The following IFITM10 variants were observed in gnomAD, a reference collection of about 807,000 sequenced individuals.
IFITM10 encodes interferon induced transmembrane protein 10.
Under a neutral mutation model 19.0 loss-of-function variants are expected in IFITM10, and 17 were observed. The observed-to-expected ratio is 0.90, with a 90% CI of 0.61 to 1.34. The LOEUF is 1.34. IFITM10 is among the 40% of genes most tolerant of loss of function. The probability of loss-of-function intolerance (pLI) is 0.00; values close to 1 mark genes in which losing one functional copy is unlikely to be tolerated. For missense variants in IFITM10, 306 were observed against 319.8 expected (o/e 0.96, Z 0.33); for synonymous variants, 148 against 147.2 (o/e 1.01, Z -0.04).
intron 2 of IFITM10, among the ~76,000 whole-genome samples, chr11:1,747,242 TA>T (rs1845661464): frequency 6.6e-6 from 1 of 152,188 alleles, no homozygotes; most frequent in East Asian, 1.9e-4. Context: ...TTCCTTTCCA[TA>T]GGGGTAGGAT....
Position 1,748,102 on chromosome 11 carries a change from C to G in IFITM10, c.102G>C (p.Gln34His). The stretch of plus-strand genomic sequence containing the variant: ...CCGGGTCTCCCAGCGGGGCTGGGCA[C>G]TGGCCGGGGCCCTGGGCCTGGAGAG... ...QWELEAQGPG[Q>H]CPAPLGDPAS... Residue 34 changes from glutamine (Q) to histidine (H), a missense_variant, in exon 2 of 3, where the codon CAG becomes CAC. Transcript: ENST00000340134. The G allele has an allele frequency of 7.2e-7, 1 of 1,392,990 alleles. No homozygotes were observed. Among genetic ancestry groups the G allele is most frequent in the Non-Finnish European group, 9.2e-7 (1 of 1,081,694 alleles). 86.3% of individuals were successfully genotyped at this position (1,392,990 alleles called of 1,614,324 possible). A position where few individuals can be genotyped will look rare whatever the true frequency, so the allele number is the denominator to read the frequency against.
intron 2 of IFITM10, chr11:1,745,853 T>C (rs1167758640): frequency 2.1e-5 from 3 of 142,614 alleles, no homozygotes; most frequent in Non-Finnish European, 3.0e-5. Flanking sequence ...CATTTATACG[T>C]GCTATGCACA....
chr11:1,750,278 G>T, intron 1 of IFITM10, 81 bp downstream of exon 1: 1 of 1,549,064 alleles, frequency 6.5e-7, no homozygotes, highest in Non-Finnish European at 8.7e-7. Flanking sequence ...TCCCCATGGA[G>T]AAAACTCCAG....
chr11:1,743,023 T>G (rs1845588103), intron 2 of IFITM10, among the ~76,000 whole-genome samples: 1 of 124,150 alleles, frequency 8.1e-6, no homozygotes, highest in East Asian at 2.5e-4. Context: ...GATGGATGGA[T>G]TGAGGGTGGA....
In IFITM10 at chr11:1,743,539, A is replaced by C. The variant is rs1845598083; in HGVS notation, c.537+4128T>G. Among the ~76,000 whole-genome samples, 5 of 152,242 alleles carry C rather than the reference A, an allele frequency of 3.3e-5. No homozygotes were observed. In the South Asian group the frequency reaches 6.2e-4, roughly 19 times the overall value. ...TGGAAGATGGATGAATGATAGATGG[A>C]TGGAGGATGGGAAAGATAAATGTGT... On this transcript the variant is annotated intron_variant, in intron 2 of 2. Coordinates refer to ENST00000340134, the MANE Select transcript of IFITM10 (RefSeq NM_001170820.4).
chr11:1,750,301 C>T (rs1263945028), intron 1 of IFITM10, 58 bp downstream of exon 1: 2 of 1,550,428 alleles, frequency 1.3e-6, no homozygotes, highest in South Asian at 2.4e-5. Flanking sequence ...TTCCCTCCCT[C>T]CCTCCAAGTC....
chr11:1,748,244 G>T, intron 1 of IFITM10, 125 bp from the exon 2 acceptor site: 1 of 746,416 alleles, frequency 1.3e-6, no homozygotes, highest in Non-Finnish European at 1.9e-6. Flanking sequence ...CCAGCTGCCA[G>T]CCTGCCACCT....
chr11:1,734,927 C>A lies in IFITM10; in HGVS notation c.*353G>T, dbSNP rs955332547. The A allele has an allele frequency of 2.4e-5, 7 of 294,200 alleles. No individual in the cohort carries two copies. Among genetic ancestry groups the A allele is most frequent in the Non-Finnish European group, 3.8e-5 (6 of 157,266 alleles). 18.2% of individuals were successfully genotyped at this position (294,200 alleles called of 1,614,324 possible). On this transcript the variant is annotated 3_prime_UTR_variant, in exon 3 of 3. Coordinates refer to ENST00000340134, the MANE Select transcript of IFITM10 (RefSeq NM_001170820.4). ...CCAACCTGGGACAATTTTGCATAAG[C>A]CCTTCCTGCTAGGTGTCAGGTCCAA...
intron 2 of IFITM10, among the ~76,000 whole-genome samples, chr11:1,735,947 A>G (rs1048622542): frequency 9.9e-5 from 15 of 152,154 alleles, no homozygotes; most frequent in Admixed American, 7.9e-4. Flanking sequence ...ACAGCAGTCC[A>G]CAGGGCCTTT....
chr11:1,746,727 C>T (rs1486269338), intron 2 of IFITM10: 2 of 398,800 alleles, frequency 5.0e-6, no homozygotes, highest in African/African-American at 4.1e-5. Flanking sequence ...CCCTGCATCC[C>T]CTGTCTTCTC....
chr11:1,745,897 G>A (rs932578392), intron 2 of IFITM10: 1 of 141,712 alleles, frequency 7.1e-6, no homozygotes, highest in African/African-American at 2.7e-5. Flanking sequence ...GCACACTCAG[G>A]TACATACAGA....
chr11:1,743,246 TGGAG>T (rs1845592666), intron 2 of IFITM10, among the ~76,000 whole-genome samples: 1 of 146,872 alleles, frequency 6.8e-6, no homozygotes, highest in Non-Finnish European at 1.5e-5. Flanking sequence ...GATGGATGGA[TGGAG>T]GATGAATAGA....
Position 1,734,995 on chromosome 11 carries a change from A to G in IFITM10, c.*285T>C, listed in dbSNP as rs1054634. On this transcript the variant is annotated 3_prime_UTR_variant, in exon 3 of 3. Transcript: ENST00000340134. ...GGAAGGGGCACGTGAGGGCAGGGAC[A>G]CAGACGCTGGAAGCCAGGGTGCAGC... is the stretch of plus-strand genomic sequence containing the variant. The G allele has an allele frequency of 0.2, 87,257 of 447,064 alleles. 12,137 individuals carry two copies. The highest frequency in any genetic ancestry group is 0.52 in the African/African-American group (26,215 of 49,990). 27.7% of individuals were successfully genotyped at this position (447,064 alleles called of 1,614,324 possible).
intron 2 of IFITM10, 130 bp downstream of exon 2, chr11:1,747,537 C>A (rs910209637): frequency 2.7e-5 from 21 of 785,290 alleles, no homozygotes; most frequent in Admixed American, 2.6e-4. Flanking sequence ...TCCCTTGGCC[C>A]CTCAACTGCA....
intron 2 of IFITM10, among the ~76,000 whole-genome samples, chr11:1,743,619 C>T (rs1482920143): frequency 9.2e-5 from 14 of 152,200 alleles, no homozygotes; most frequent in Admixed American, 3.9e-4. Context: ...CAAAACCCAA[C>T]GCAGAACCCA....
intron 1 of IFITM10, 28 bp from the exon 2 acceptor site, chr11:1,748,147 G>A (rs1338405403): frequency 3.0e-6 from 4 of 1,330,376 alleles, no homozygotes; most frequent in Non-Finnish European, 2.9e-6. Context: ...AGAGCAAGCT[G>A]GGCCCGGCCT....
chr11:1,738,729 G>C (rs1416490576), intron 2 of IFITM10, among the ~76,000 whole-genome samples: 1 of 152,164 alleles, frequency 6.6e-6, no homozygotes, highest in Non-Finnish European at 1.5e-5. Flanking sequence ...TGAAGGTGGA[G>C]CTGACAGTGT....
At chr11:1,747,011 T>C (rs1376642807) in intron 2 of IFITM10, among the ~76,000 whole-genome samples, 1 of 152,064 alleles carries the variant, frequency 6.6e-6, no homozygotes, top group Non-Finnish European at 1.5e-5. Flanking sequence ...CTGCTCCACC[T>C]TGCCCTCAGG....
At chr11:1,745,337 G>C (rs377476252) in intron 2 of IFITM10, 24 of 152,470 alleles carry the variant, frequency 1.6e-4, no homozygotes, top group African/African-American at 5.8e-4. Context: ...GGCACAGAGA[G>C]AGGGGAGGCA....
Sources: allele counts gnomAD v4.1 joint callset (sites outside exome capture counted in the v4.1 genomes callset), GRCh38; gene constraint gnomAD v4.1.1; transcripts MANE v1.5; gene names NCBI Gene and HGNC (gene_info 2026-07-23, HGNC 2026-07-21).